The following NBEA variants were observed in gnomAD, a reference collection of about 807,000 sequenced individuals.
NBEA encodes lysosomal-trafficking regulator 2.
A neutral mutation model predicts 343.4 loss-of-function variants in NBEA; 44 were observed. That is an observed-to-expected ratio of 0.13 (90% confidence interval 0.10 to 0.16). The LOEUF (loss-of-function observed/expected upper bound fraction) is 0.16. NBEA is among the 10% of genes least tolerant of loss of function. The pLI is 1.00. For synonymous variants in NBEA, 1,175 were observed against 1,238.7 expected (o/e 0.95, Z 1.08); for missense variants, 2,555 against 3,631.3 (o/e 0.70, Z 7.62).
intron 10 of NBEA, among the ~76,000 whole-genome samples, chr13:35,078,092 C>T (rs543914107): frequency 6.6e-6 from 1 of 152,248 alleles, no homozygotes; most frequent in South Asian, 2.1e-4. Flanking sequence ...TTTCTGTGCG[C>T]TTAAATCTGG....
chr13:35,207,341 G>A (rs1285394287), intron 31 of NBEA, among the ~76,000 whole-genome samples: 1 of 151,894 alleles, frequency 6.6e-6, no homozygotes, highest in Non-Finnish European at 1.5e-5. Context: ...ATGAAATAGA[G>A]ATGCATTAAA....
intron 47 of NBEA, among the ~76,000 whole-genome samples, chr13:35,598,957 T>A (rs1045033840): frequency 6.6e-6 from 1 of 152,196 alleles, no homozygotes; most frequent in African/African-American, 2.4e-5. Context: ...CTCTCTTGCA[T>A]AGCTTATCTC....
At position 35,369,162 on chromosome 13, in the gene NBEA, T is replaced by G. The variant is rs555299960; in HGVS notation, c.6179+16839T>G. Among the ~76,000 whole-genome samples, 107 of 150,610 alleles carry G rather than the reference T, an allele frequency of 7.1e-4. 1 individual carries two copies. The East Asian group carries it at 0.016, about 23-fold the overall frequency. On this transcript the variant is annotated intron_variant, in intron 38 of 58. Transcript: ENST00000379939. ...ATTCTGTTGTGCCAGCACCATTTTT[T>G]TTTTTTTTTTTTGAAGAGAGTGTGT...
intron 48 of NBEA, among the ~76,000 whole-genome samples, chr13:35,620,392 A>C (rs937361475): frequency 2.6e-5 from 4 of 152,146 alleles, no homozygotes; most frequent in African/African-American, 9.6e-5. Flanking sequence ...TCTTGGGGAA[A>C]GAGCATGGTG....
intron 38 of NBEA, among the ~76,000 whole-genome samples, chr13:35,386,650 A>T (rs1038359179): frequency 6.6e-6 from 1 of 152,180 alleles, no homozygotes; most frequent in Non-Finnish European, 1.5e-5. Context: ...GTATTTTTTA[A>T]AATTCAATGT....
intron 1 of NBEA, among the ~76,000 whole-genome samples, chr13:34,992,276 A>G (rs908170383): frequency 3.0e-5 from 4 of 135,040 alleles, no homozygotes; most frequent in Non-Finnish European, 4.8e-5. Flanking sequence ...TTTTTTTTAG[A>G]CAGAGTCTAG....
chr13:35,438,520 C>G (rs1312801101), intron 39 of NBEA, among the ~76,000 whole-genome samples: 2 of 152,188 alleles, frequency 1.3e-5, no homozygotes, highest in African/African-American at 4.8e-5. Flanking sequence ...TTTTGTAAAA[C>G]CTAATAACCT....
chr13:35,326,459 A>G (rs1007667188), intron 36 of NBEA, among the ~76,000 whole-genome samples: 1 of 152,070 alleles, frequency 6.6e-6, no homozygotes, highest in Non-Finnish European at 1.5e-5. Context: ...GTGTGTAGAA[A>G]TGCTACTGAT....
intron 36 of NBEA, among the ~76,000 whole-genome samples, chr13:35,332,463 A>G (rs1429151846): frequency 2.6e-5 from 4 of 152,176 alleles, no homozygotes; most frequent in Non-Finnish European, 5.9e-5. Context: ...TCTCTATATC[A>G]TAATAAATTT....
At chr13:35,476,532 G>T in intron 41 of NBEA, 1 of 617,422 alleles carries the variant, frequency 1.6e-6, no homozygotes, top group Non-Finnish European at 2.9e-6. Flanking sequence ...AGCTCTTCCA[G>T]TAGTCAAAAT....
At position 35,118,296 on chromosome 13, in the gene NBEA, A is replaced by T. The variant is rs1244412014; in HGVS notation, c.2145+6A>T. The T allele has an allele frequency of 6.4e-7, 1 of 1,567,564 alleles. No individual in the cohort carries two copies. The highest frequency in any genetic ancestry group is 2.3e-5 in the East Asian group (1 of 42,750). ...ACCTACTTACGATGCATGAGGTAGG[A>T]CATGTTATGGGCCTTTTATTTTAAT... is the stretch of plus-strand genomic sequence containing the variant. On this transcript the variant is annotated splice_donor_region_variant and intron_variant, in intron 15 of 58. Transcript: ENST00000379939.
At chr13:35,475,907 G>A in intron 41 of NBEA, 1 of 1,614,164 alleles carries the variant, frequency 6.2e-7, no homozygotes, top group East Asian at 2.2e-5. Flanking sequence ...TTGAGATAAA[G>A]CACCACTTCA....
intron 9 of NBEA, among the ~76,000 whole-genome samples, 171 bp downstream of exon 9, chr13:35,070,276 A>G (rs908034146): frequency 2.6e-5 from 4 of 152,102 alleles, no homozygotes; most frequent in Non-Finnish European, 4.4e-5. Context: ...CTATAGCAAT[A>G]TACTCTACCC....
At chr13:35,200,772 A>G (rs1441061024) in intron 31 of NBEA, among the ~76,000 whole-genome samples, 2 of 151,972 alleles carry the variant, frequency 1.3e-5, no homozygotes, top group Non-Finnish European at 2.9e-5. Context: ...CAAAAAAGCA[A>G]CTTAGATAGA....
At chr13:35,466,341 G>T (rs1038634196) in intron 40 of NBEA, among the ~76,000 whole-genome samples, 4 of 152,184 alleles carry the variant, frequency 2.6e-5, no homozygotes, top group Non-Finnish European at 5.9e-5. Context: ...TATTTATAAT[G>T]GATAGTTTAG....
intron 35 of NBEA, among the ~76,000 whole-genome samples, chr13:35,308,637 T>TAC (rs566226262): frequency 3.5e-5 from 5 of 141,112 alleles, no homozygotes; most frequent in African/African-American, 5.4e-5. Flanking sequence ...CACACACAGA[T>TAC]ATATATATGT....
At chr13:35,616,687 A>G (rs910212613) in intron 48 of NBEA, among the ~76,000 whole-genome samples, 5 of 152,260 alleles carry the variant, frequency 3.3e-5, no homozygotes, top group Admixed American at 3.3e-4. Context: ...AGAATAAAAC[A>G]CATGAATACA....
intron 1 of NBEA, among the ~76,000 whole-genome samples, chr13:35,016,393 G>A (rs1355116597): frequency 2.0e-5 from 3 of 152,120 alleles, no homozygotes; most frequent in East Asian, 1.9e-4. Flanking sequence ...TGTATACATT[G>A]TAGTAATTAA....
At chr13:35,035,021 A>G (rs1593534942) in intron 1 of NBEA, among the ~76,000 whole-genome samples, 1 of 151,372 alleles carries the variant, frequency 6.6e-6, no homozygotes, top group African/African-American at 2.4e-5. Context: ...AGTTTTATTT[A>G]TTTCTGCTCT....
Sources: gnomAD v4.1 joint callset for allele counts (sites outside exome capture counted in the v4.1 genomes callset) on GRCh38, gnomAD v4.1.1 for gene constraint, MANE v1.5 for transcripts, NCBI Gene and HGNC (gene_info 2026-07-23, HGNC 2026-07-21) for gene names.